Variants in PRPF3 observed in about 807,000 individuals in gnomAD.
PRPF3 encodes the protein pre-mRNA processing factor 3.
In PRPF3, 3 loss-of-function variants were observed where a neutral mutation model predicts 89.2. The observed-to-expected ratio is 0.03, with a 90% CI of 0.02 to 0.09. The LOEUF is 0.09. Among genes scored for constraint, PRPF3 ranks in the 10% least tolerant of loss-of-function variants. The pLI is 1.00. For synonymous variants in PRPF3, 270 were observed against 289.1 expected, an observed-to-expected ratio of 0.93 and a Z score of 0.67; for missense variants, 463 against 828.8, an observed-to-expected ratio of 0.56 and a Z score of 5.42.
At chr1:150,342,337 GCC>G (rs1657837374) in intron 9 of PRPF3, among the ~76,000 whole-genome samples, 1 of 151,874 alleles carries the variant, frequency 6.6e-6, no homozygotes, top group Admixed American at 6.6e-5. Flanking sequence ...CTGAGATTGC[GCC>G]ACTGCACTCC....
chr1:150,325,608 A>C (rs1222563038), intron 2 of PRPF3, 143 bp from the exon 3 acceptor site: 9 of 1,088,758 alleles, frequency 8.3e-6, no homozygotes, highest in Non-Finnish European at 1.2e-5. Context: ...CATTTAGTGT[A>C]AGAGAGATGG....
At chr1:150,340,000 G>C (rs782381175) in intron 8 of PRPF3, among the ~76,000 whole-genome samples, 1 of 152,110 alleles carries the variant, frequency 6.6e-6, no homozygotes, top group Non-Finnish European at 1.5e-5. Flanking sequence ...GGGATTATAG[G>C]CATAAGCCAC....
At chr1:150,337,647 G>C (rs1443665437) in intron 7 of PRPF3, among the ~76,000 whole-genome samples, 1 of 151,842 alleles carries the variant, frequency 6.6e-6, no homozygotes, top group Admixed American at 6.6e-5. Flanking sequence ...GCGTGGTGAT[G>C]GGCGCCTGTA....
chr1:150,331,506 A>G (rs1376523785), intron 4 of PRPF3, among the ~76,000 whole-genome samples: 1 of 151,736 alleles, frequency 6.6e-6, no homozygotes, highest in African/African-American at 2.4e-5. Context: ...CTGGCATTAC[A>G]GGCGCCCACC....
intron 7 of PRPF3, among the ~76,000 whole-genome samples, chr1:150,335,981 G>T (rs1656946085): frequency 6.6e-6 from 1 of 151,070 alleles, no homozygotes; most frequent in South Asian, 2.1e-4. Flanking sequence ...TGTTGGCCCG[G>T]CTGGTCTTAA....
At chr1:150,323,202 A>T (rs1655291670) in intron 1 of PRPF3, among the ~76,000 whole-genome samples, 1 of 21,614 alleles carries the variant, frequency 4.6e-5, no homozygotes, top group African/African-American at 1.6e-4. Context: ...TTTTTTGGAG[A>T]CACAGTTTCA....
In PRPF3 at chr1:150,353,182, G is replaced by A. The variant is rs1659114381; in HGVS notation, c.*203G>A. On this transcript the variant is annotated 3_prime_UTR_variant, in exon 16 of 16. Transcript: ENST00000324862. ...TTCCCCTTATGTGCATATGATTAAA[G>A]AGTTATTTTTAAACTTGGTGTGATA... 3 of 620,352 alleles carry A rather than the reference G, an allele frequency of 4.8e-6. No homozygotes were observed. The highest frequency in any genetic ancestry group is 8.6e-6 in the Non-Finnish European group (3 of 348,576). 38.4% of individuals were successfully genotyped at this position (620,352 alleles called of 1,614,324 possible).
At chr1:150,333,428 G>T (rs1184356937) in intron 6 of PRPF3, among the ~76,000 whole-genome samples, 1 of 152,038 alleles carries the variant, frequency 6.6e-6, no homozygotes, top group Non-Finnish European at 1.5e-5. Context: ...TTAGCCAGGC[G>T]TGGTGGTGCA....
rs1656618709 is a variant in PRPF3, at chr1:150,333,317, T to G, written c.728+118T>G. On this transcript the variant is annotated intron_variant, in intron 6 of 15. Coordinates refer to ENST00000324862, the MANE Select transcript of PRPF3 (RefSeq NM_004698.4). Reference sequence around the variant, plus strand: ...CCTCAGGCCTGTAATCGTAGCACTTTGGGAGGCTGAGGTAGGTGGATCACC... The same window carrying G: ...CCTCAGGCCTGTAATCGTAGCACTTGGGGAGGCTGAGGTAGGTGGATCACC... The G allele has an allele frequency of 3.4e-6, 4 of 1,166,324 alleles. No homozygotes were observed. The East Asian group carries it at 1.0e-4, about 30-fold the overall frequency. 72.2% of individuals were successfully genotyped at this position (1,166,324 alleles called of 1,614,324 possible). A position where few individuals can be genotyped will look rare whatever the true frequency, so the allele number is the denominator to read the frequency against.
At chr1:150,340,077 C>T in intron 8 of PRPF3, among the ~76,000 whole-genome samples, 1 of 152,216 alleles carries the variant, frequency 6.6e-6, no homozygotes, top group East Asian at 1.9e-4. Flanking sequence ...CCTTTCGTTG[C>T]CCCTTCTTTG....
intron 3 of PRPF3, chr1:150,328,087 A>T: frequency 1.9e-6 from 1 of 529,452 alleles, no homozygotes; most frequent in Admixed American, 3.2e-5. Context: ...AGACCTTGAG[A>T]TGGGAACATT....
intron 15 of PRPF3, 85 bp downstream of exon 15, chr1:150,349,303 A>G: frequency 1.0e-6 from 1 of 992,102 alleles, no homozygotes; most frequent in East Asian, 2.4e-5. Flanking sequence ...GGAATGTAAG[A>G]TGTAATCAGT....
intron 1 of PRPF3, among the ~76,000 whole-genome samples, chr1:150,322,186 A>G (rs1306786660): frequency 6.6e-6 from 1 of 152,184 alleles, no homozygotes; most frequent in Non-Finnish European, 1.5e-5. Flanking sequence ...AATTGCTTAT[A>G]CTTTCTAGCC....
chr1:150,346,507 A>C lies in PRPF3; in HGVS notation c.1843+16A>C, dbSNP rs1431117080. On this transcript the variant is annotated intron_variant, in intron 14 of 15. Coordinates refer to ENST00000324862, the MANE Select transcript of PRPF3 (RefSeq NM_004698.4). ...AAGGGAGATGGTGAATGGGGGTTAGAGGGGATTAAGGGGGAGAGCTATGGG... is the reference window on the plus strand; with the variant it reads ...AAGGGAGATGGTGAATGGGGGTTAGCGGGGATTAAGGGGGAGAGCTATGGG... The C allele has an allele frequency of 6.3e-7, 1 of 1,594,800 alleles. No individual in the cohort carries two copies. Among genetic ancestry groups the C allele is most frequent in the East Asian group, 2.2e-5 (1 of 44,758 alleles).
At chr1:150,341,850 C>T (rs1657776045) in intron 9 of PRPF3, among the ~76,000 whole-genome samples, 1 of 151,070 alleles carries the variant, frequency 6.6e-6, no homozygotes, top group Non-Finnish European at 1.5e-5. Flanking sequence ...ATTATAGGTG[C>T]CTGCCACCAC....
chr1:150,325,384 C>G (rs188129368), intron 2 of PRPF3, among the ~76,000 whole-genome samples: 1 of 152,152 alleles, frequency 6.6e-6, no homozygotes, highest in Non-Finnish European at 1.5e-5. Flanking sequence ...CAGATTCAGA[C>G]TGAACATCTC....
At chr1:150,349,052 A>G in intron 14 of PRPF3, 105 bp from the exon 15 acceptor site, 1 of 955,400 alleles carries the variant, frequency 1.0e-6, no homozygotes, top group Middle Eastern at 2.1e-4. Context: ...TTGGTCCAAC[A>G]CATAAAAAGG....
At chr1:150,328,282 G>A in intron 3 of PRPF3, 38 bp from the exon 4 acceptor site, 1 of 1,611,964 alleles carries the variant, frequency 6.2e-7, no homozygotes, top group Non-Finnish European at 8.5e-7. Context: ...TCCCCACGGG[G>A]AGGGATACAG....
intron 5 of PRPF3, 103 bp downstream of exon 5, chr1:150,332,870 C>G (rs1040267666): frequency 2.7e-6 from 4 of 1,491,080 alleles, no homozygotes; most frequent in Middle Eastern, 3.4e-4. Flanking sequence ...TGTTTCACTT[C>G]ATAATCATCT....
Sources: allele counts gnomAD v4.1 joint callset (sites outside exome capture counted in the v4.1 genomes callset), GRCh38; gene constraint gnomAD v4.1.1; transcripts MANE v1.5; gene names NCBI Gene and HGNC (gene_info 2026-07-23, HGNC 2026-07-21).